COBL: variants seen among roughly 807,000 people sequenced by gnomAD.
COBL encodes cordon-bleu WH2 repeat protein.
In COBL, 51 loss-of-function variants were observed where a neutral mutation model predicts 98.8. The observed-to-expected ratio is 0.52, with a 90% CI of 0.41 to 0.65. COBL has a LOEUF of 0.65. Among genes scored for constraint, COBL ranks in the 30% least tolerant of loss-of-function variants. The pLI, the probability that COBL is intolerant of heterozygous loss-of-function variation, is 0.00. For synonymous variants in COBL, 634 were observed against 651.7 expected (o/e 0.97, Z 0.41); for missense variants, 1,617 against 1,617.5 (o/e 1.00, Z 0.01).
chr7:51,131,212 T>G (rs774219760), intron 6 of COBL, among the ~76,000 whole-genome samples: 1 of 152,098 alleles, frequency 6.6e-6, no homozygotes, highest in African/African-American at 2.4e-5. Flanking sequence ...ATTCAAATAA[T>G]AGTGAAAAAA....
At chr7:51,137,315 C>G (rs1799331611) in intron 5 of COBL, among the ~76,000 whole-genome samples, 1 of 152,136 alleles carries the variant, frequency 6.6e-6, no homozygotes, top group East Asian at 1.9e-4. Flanking sequence ...AAACCTTGGG[C>G]AAATTTTTAA....
At chr7:51,073,756 A>G (rs1483812245) in intron 7 of COBL, among the ~76,000 whole-genome samples, 1 of 152,204 alleles carries the variant, frequency 6.6e-6, no homozygotes, top group Non-Finnish European at 1.5e-5. Context: ...TTACCTCTTG[A>G]AAAACAGTCT....
intron 1 of COBL, among the ~76,000 whole-genome samples, chr7:51,300,267 TCTC>T (rs1801813619): frequency 6.6e-6 from 1 of 152,060 alleles, no homozygotes; most frequent in Non-Finnish European, 1.5e-5. Context: ...TTCAAGCAAT[TCTC>T]CTGCCTCAGC....
chr7:51,298,152 G>C (rs1801594562), intron 1 of COBL, among the ~76,000 whole-genome samples: 1 of 152,300 alleles, frequency 6.6e-6, no homozygotes, highest in East Asian at 1.9e-4. Flanking sequence ...AAGACACTCA[G>C]GCATACGGAG....
At chr7:51,194,350 C>T (rs548388095) in intron 2 of COBL, among the ~76,000 whole-genome samples, 2 of 152,120 alleles carry the variant, frequency 1.3e-5, no homozygotes, top group South Asian at 4.2e-4. Context: ...TTTCTTTATC[C>T]AACATACTAT....
chr7:51,261,571 G>A (rs1797721745), intron 1 of COBL, among the ~76,000 whole-genome samples: 1 of 152,218 alleles, frequency 6.6e-6, no homozygotes, highest in South Asian at 2.1e-4. Context: ...GTGGAGAGCT[G>A]ACGCACCAGG....
At chr7:51,313,916 T>A (rs924072214) in intron 1 of COBL, among the ~76,000 whole-genome samples, 8 of 152,242 alleles carry the variant, frequency 5.3e-5, no homozygotes, top group African/African-American at 1.9e-4. Flanking sequence ...AAAAGTCACA[T>A]CAAGTCTGAC....
intron 8 of COBL, among the ~76,000 whole-genome samples, chr7:51,036,480 C>T (rs1254281161): frequency 6.6e-6 from 1 of 151,930 alleles, no homozygotes; most frequent in Non-Finnish European, 1.5e-5. Context: ...TTTCTAAATG[C>T]TCCTGTGTCA....
chr7:51,072,024 C>A (rs972673537), intron 7 of COBL: 1 of 151,448 alleles, frequency 6.6e-6, no homozygotes, highest in Non-Finnish European at 1.5e-5. Context: ...ATAGCTTTGG[C>A]TTATATTTGT....
rs77851490 is a variant in COBL at position 51,316,014 on chromosome 7, G to C, written c.41+579C>G. Reference sequence around the variant, plus strand: ...CCTGGAATAAAGGCAGGGAGGGAGAGCTGCTGCCATGAAACCCTCCGGGCA... The same window carrying C: ...CCTGGAATAAAGGCAGGGAGGGAGACCTGCTGCCATGAAACCCTCCGGGCA... On this transcript the variant is annotated intron_variant, in intron 1 of 12. Coordinates refer to ENST00000265136, the MANE Select transcript of COBL (RefSeq NM_015198.5). Among the ~76,000 whole-genome samples the C allele has an allele frequency of 8.1e-3, 1,229 of 152,320 alleles. 70 individuals carry two copies. The South Asian group carries it at 0.15, about 18-fold the overall frequency.
intron 6 of COBL, among the ~76,000 whole-genome samples, chr7:51,094,293 T>C (rs1249469040): frequency 6.6e-6 from 1 of 151,946 alleles, no homozygotes. Flanking sequence ...ACTGGAGGAA[T>C]AAGTTTCAGT....
chr7:51,172,625 G>T, intron 5 of COBL: 1 of 859,450 alleles, frequency 1.2e-6, no homozygotes, highest in Non-Finnish European at 1.6e-6. Context: ...TGCCAGTGTG[G>T]CCACAAGGCA....
intron 9 of COBL, 121 bp downstream of exon 9, chr7:51,030,691 G>C: frequency 1.4e-6 from 1 of 690,132 alleles, no homozygotes; most frequent in Non-Finnish European, 2.5e-6. Flanking sequence ...AAACTGACCT[G>C]GAATTCCTTC....
At chr7:51,280,499 C>A (rs527869554) in intron 1 of COBL, among the ~76,000 whole-genome samples, 109 of 152,320 alleles carry the variant, frequency 7.2e-4, no homozygotes, top group African/African-American at 2.6e-3. Context: ...GGAGTAAACC[C>A]CACTGCTTTT....
At chr7:51,088,981 C>T (rs1343772939) in intron 6 of COBL, among the ~76,000 whole-genome samples, 1 of 152,148 alleles carries the variant, frequency 6.6e-6, no homozygotes, top group Non-Finnish European at 1.5e-5. Context: ...TCTGCCACTG[C>T]AGGGGGTGGC....
Position 51,027,885 on chromosome 7 carries a change from T to C in COBL, c.3211A>G (p.Ser1071Gly), listed in dbSNP as rs574131063. The change falls in exon 10 of 13, where the codon AGT (serine) becomes GGT (glycine). Residue 1071 changes from serine to glycine, a missense_variant. Around this residue, in one of 3 missense-constraint regions of COBL, gnomAD observed 1,304 missense variants for 1,282.0 expected, o/e 1.02. Transcript: ENST00000265136. ...HILLEREEKP[S>G]VFSTDGNETD... ...TCATTTCCATCTGTAGAGAACACAC[T>C]GGGCTTTTCCTCTCTTTCTAGGAGA... 6.2e-6 allele frequency: 10 copies of C among 1,614,242 alleles called. No individual in the cohort carries two copies. In the Admixed American group the frequency reaches 8.3e-5, roughly 13 times the overall value.
At chr7:51,129,288 C>T (rs549348413) in intron 6 of COBL, among the ~76,000 whole-genome samples, 63 of 151,854 alleles carry the variant, frequency 4.1e-4, no homozygotes, top group South Asian at 2.3e-3. Flanking sequence ...CTTCAGAGGG[C>T]GCCTTCTTGC....
At chr7:51,022,707 A>C (rs920871414) in intron 12 of COBL, 2 of 152,224 alleles carry the variant, frequency 1.3e-5, no homozygotes, top group Admixed American at 1.3e-4. Flanking sequence ...CAGGCCCTTC[A>C]TGACTCTGCA....
At position 51,016,668 on chromosome 7, in the gene COBL, C is replaced by A; in HGVS notation, c.*883G>T. 1 of 328,802 alleles carries A rather than the reference C, an allele frequency of 3.0e-6. No individual in the cohort carries two copies. The highest frequency in any genetic ancestry group is 2.1e-5 in the African/African-American group (1 of 47,512). The allele number at this position is 328,802 out of a possible 1,614,324, so 20.4% of individuals were successfully genotyped here. A position where few individuals can be genotyped will look rare whatever the true frequency, so the allele number is the denominator to read the frequency against. On this transcript the variant is annotated 3_prime_UTR_variant, in exon 13 of 13. Transcript: ENST00000265136. ...ATCTGAACTCTTGACAGGTGGGCAT[C>A]CAACATCCCTGCTCCTTGACCCTCT...
Sources: gnomAD v4.1 joint callset for allele counts (sites outside exome capture counted in the v4.1 genomes callset) on GRCh38, gnomAD v4.1.1 for gene constraint, gnomAD v4.1.1 regional missense constraint, MANE v1.5 for transcripts, NCBI Gene and HGNC (gene_info 2026-07-23, HGNC 2026-07-21) for gene names.